MARCHF1: variants seen among roughly 807,000 people sequenced by gnomAD.
MARCHF1 encodes E3 ubiquitin-protein ligase MARCHF1.
Under a neutral mutation model 54.2 loss-of-function variants are expected in MARCHF1, and 40 were observed. That is an observed-to-expected ratio of 0.74 (90% confidence interval 0.57 to 0.96). The LOEUF is 0.96. MARCHF1 is among the 40% of genes least tolerant of loss of function. The probability of loss-of-function intolerance (pLI) is 0.00; values close to 1 mark genes in which losing one functional copy is unlikely to be tolerated. For missense variants in MARCHF1, 586 were observed against 656.5 expected (o/e 0.89, Z 1.17); for synonymous variants, 236 against 236.3 (o/e 1.00, Z 0.01).
intron 9 of MARCHF1, among the ~76,000 whole-genome samples, chr4:163,539,808 A>T (rs1738667141): frequency 6.6e-6 from 1 of 152,220 alleles, no homozygotes; most frequent in Non-Finnish European, 1.5e-5. Flanking sequence ...TGTATATTGT[A>T]TTTGTTAGGA....
intron 5 of MARCHF1, among the ~76,000 whole-genome samples, chr4:163,665,079 G>A (rs541800408): frequency 6.6e-6 from 1 of 152,108 alleles, no homozygotes; most frequent in Non-Finnish European, 1.5e-5. Flanking sequence ...ATTCCGCTGG[G>A]TCTATCTTAA....
At chr4:163,992,266 G>A (rs1752982656) in intron 2 of MARCHF1, among the ~76,000 whole-genome samples, 1 of 151,902 alleles carries the variant, frequency 6.6e-6, no homozygotes, top group Admixed American at 6.6e-5. Context: ...GGAATTAATG[G>A]GCAGCAGGTA....
intron 4 of MARCHF1, among the ~76,000 whole-genome samples, chr4:163,751,133 TTGTGTGTGTGTGTGTGTGTGTGTG>T (rs70948664): frequency 4.1e-5 from 6 of 147,290 alleles, no homozygotes; most frequent in African/African-American, 1.3e-4. Flanking sequence ...TATTACCACT[TTGTGTGTGTGTGTGTGTGTGTGTG>T]TGTGTGTGTG....
rs1738140197 is a variant in MARCHF1 at position 163,527,167 on chromosome 4, G to C, written c.*1581C>G. 6.6e-6 allele frequency: 1 copy of C among 151,940 alleles called. No homozygotes were observed. Among genetic ancestry groups the C allele is most frequent in the South Asian group, 2.1e-4 (1 of 4,830 alleles). 9.4% of individuals were successfully genotyped at this position (151,940 alleles called of 1,614,324 possible). ...GGACATCTTTCTTTGACAGGCTACTGTATCTATAATCACCGTTAATCTAGC... is the reference window on the plus strand; with the variant it reads ...GGACATCTTTCTTTGACAGGCTACTCTATCTATAATCACCGTTAATCTAGC... On this transcript the variant is annotated 3_prime_UTR_variant, in exon 10 of 10. Coordinates refer to ENST00000514618, the MANE Select transcript of MARCHF1 (RefSeq NM_001394959.1).
chr4:164,242,859 A>G (rs1315174785), intron 1 of MARCHF1, among the ~76,000 whole-genome samples: 2 of 150,608 alleles, frequency 1.3e-5, no homozygotes, highest in African/African-American at 4.9e-5. Context: ...GATGCGATCA[A>G]CTGGAAGAAA....
At chr4:164,094,043 A>G (rs1755358900) in intron 2 of MARCHF1, among the ~76,000 whole-genome samples, 1 of 152,112 alleles carries the variant, frequency 6.6e-6, no homozygotes, top group Non-Finnish European at 1.5e-5. Context: ...TACAAACAAG[A>G]GTGCCCCTAA....
At chr4:163,652,581 C>T (rs895541258) in intron 5 of MARCHF1, among the ~76,000 whole-genome samples, 2 of 151,802 alleles carry the variant, frequency 1.3e-5, no homozygotes, top group African/African-American at 2.4e-5. Context: ...TAAAAGTCCC[C>T]GTTTCCAGTA....
At chr4:163,650,799 G>C (rs905192107) in intron 5 of MARCHF1, among the ~76,000 whole-genome samples, 2 of 151,868 alleles carry the variant, frequency 1.3e-5, no homozygotes, top group African/African-American at 4.8e-5. Flanking sequence ...TTCCACCCTA[G>C]AATGTCCATG....
chr4:163,687,869 T>C (rs1421483754), intron 5 of MARCHF1, among the ~76,000 whole-genome samples: 3 of 152,230 alleles, frequency 2.0e-5, no homozygotes, highest in Non-Finnish European at 2.9e-5. Flanking sequence ...GCTTTGGCTG[T>C]AAATTTTAAT....
chr4:163,964,479 C>T (rs1002320507), intron 3 of MARCHF1, among the ~76,000 whole-genome samples: 7 of 151,948 alleles, frequency 4.6e-5, no homozygotes, highest in Non-Finnish European at 8.8e-5. Flanking sequence ...ATTCAGAAGG[C>T]CTAAAATAAG....
At chr4:163,686,249 C>T (rs1744265735) in intron 5 of MARCHF1, among the ~76,000 whole-genome samples, 1 of 151,794 alleles carries the variant, frequency 6.6e-6, no homozygotes, top group African/African-American at 2.4e-5. Context: ...GTTTTTACCT[C>T]AGATATAATA....
intron 2 of MARCHF1, among the ~76,000 whole-genome samples, chr4:164,018,399 TTATATC>T (rs1470506079): frequency 5.3e-5 from 8 of 151,922 alleles, no homozygotes; most frequent in Non-Finnish European, 8.8e-5. Flanking sequence ...ATATATATGA[TTATATC>T]TATATATTTA....
intron 2 of MARCHF1, among the ~76,000 whole-genome samples, chr4:164,076,468 G>A (rs1487386167): frequency 6.6e-6 from 1 of 152,118 alleles, no homozygotes; most frequent in Admixed American, 6.6e-5. Flanking sequence ...CATTCCCTTT[G>A]AAAACTGGCA....
chr4:163,772,469 G>A (rs1348115910), intron 4 of MARCHF1, among the ~76,000 whole-genome samples: 1 of 152,144 alleles, frequency 6.6e-6, no homozygotes, highest in East Asian at 1.9e-4. Context: ...TTGTCTGGAG[G>A]CTCTGGGGAA....
intron 1 of MARCHF1, among the ~76,000 whole-genome samples, chr4:164,139,436 C>G (rs1682892406): frequency 6.7e-6 from 1 of 148,674 alleles, no homozygotes; most frequent in Non-Finnish European, 1.5e-5. Context: ...TCAAAAGAAA[C>G]AAACAAACAA....
chr4:164,380,981 G>C (rs1396965495), intron 1 of MARCHF1, among the ~76,000 whole-genome samples: 1 of 152,190 alleles, frequency 6.6e-6, no homozygotes, highest in Non-Finnish European at 1.5e-5. Context: ...CTCTATCATA[G>C]AGGTCCTAAA....
chr4:163,886,728 T>C, intron 3 of MARCHF1, among the ~76,000 whole-genome samples: 1 of 152,084 alleles, frequency 6.6e-6, no homozygotes, highest in South Asian at 2.1e-4. Flanking sequence ...TGGTGAGAGA[T>C]AAGGAAAGAT....
At chr4:163,986,372 C>T (rs1752870155) in intron 3 of MARCHF1, among the ~76,000 whole-genome samples, 1 of 149,884 alleles carries the variant, frequency 6.7e-6, no homozygotes, top group African/African-American at 2.5e-5. Flanking sequence ...TCACGCCATT[C>T]TCCTGCCTCA....
intron 1 of MARCHF1, chr4:164,189,894 A>G (rs1270838262): frequency 3.2e-6 from 5 of 1,583,344 alleles, no homozygotes; most frequent in Non-Finnish European, 4.3e-6. Flanking sequence ...TGTGAATGGT[A>G]TTCTTCGAGT....
Sources: allele counts gnomAD v4.1 joint callset (sites outside exome capture counted in the v4.1 genomes callset), GRCh38; gene constraint gnomAD v4.1.1; transcripts MANE v1.5; gene names NCBI Gene and HGNC (gene_info 2026-07-23, HGNC 2026-07-21).